KLHL29: variants seen among roughly 807,000 people sequenced by gnomAD.
KLHL29 encodes kelch-like protein 29.
A neutral mutation model predicts 80.4 loss-of-function variants in KLHL29; 21 were observed. The ratio of observed to expected loss-of-function variants is 0.26; its 90% CI spans 0.19 to 0.38. The LOEUF is 0.38. KLHL29 is among the 10% of genes least tolerant of loss of function. KLHL29 has a pLI of 1.00. For missense variants in KLHL29, 867 were observed against 1,223.9 expected (o/e 0.71, Z 4.35); for synonymous variants, 511 against 526.8 (o/e 0.97, Z 0.41).
At chr2:23,703,950 G>C in intron 13 of KLHL29, 87 bp downstream of exon 13, 3 of 1,397,726 alleles carry the variant, frequency 2.1e-6, no homozygotes, top group Non-Finnish European at 2.9e-6. Flanking sequence ...TGCCATCAGT[G>C]ACCATAGCAA....
intron 2 of KLHL29, among the ~76,000 whole-genome samples, chr2:23,551,706 T>G (rs558532427): frequency 6.6e-6 from 1 of 152,378 alleles, no homozygotes; most frequent in African/African-American, 2.4e-5. Context: ...CCAGGCCTGC[T>G]AACTCGCCAG....
chr2:23,590,131 C>T (rs943043182), intron 3 of KLHL29, among the ~76,000 whole-genome samples: 1 of 152,256 alleles, frequency 6.6e-6, no homozygotes, highest in African/African-American at 2.4e-5. Context: ...GGTCACACAG[C>T]ATCTATGGAA....
intron 5 of KLHL29, among the ~76,000 whole-genome samples, chr2:23,666,485 G>A (rs745574946): frequency 1.3e-5 from 2 of 152,186 alleles, no homozygotes; most frequent in African/African-American, 2.4e-5. Flanking sequence ...CGGGGACCAA[G>A]GCCAAAAGCC....
chr2:23,693,505 A>G lies in KLHL29; in HGVS notation c.1519A>G (p.Lys507Glu), dbSNP rs1159991823. ...CGAGACAGTCATCAAGTGGATCAAG[A>G]AGGACCCCGCGACACGCACACAGGT... ...VYETVIKWIKKDPATRTQYAA... is the reference protein window; with the variant it reads ...VYETVIKWIKEDPATRTQYAA... Residue 507 changes from lysine to glutamate, a missense_variant, in exon 8 of 14, where the codon AAG becomes GAG. Lys to Glu is a moderately conservative substitution (Grantham distance 56). Transcript: ENST00000486442. 6.4e-7 allele frequency: 1 copy of G among 1,550,856 alleles called. No individual in the cohort carries two copies. Among genetic ancestry groups the G allele is most frequent in the African/African-American group, 1.4e-5 (1 of 73,008 alleles).
chr2:23,539,330 G>T (rs910425348), intron 2 of KLHL29, among the ~76,000 whole-genome samples: 1 of 151,702 alleles, frequency 6.6e-6, no homozygotes, highest in African/African-American at 2.4e-5. Context: ...ATGTTGAAAG[G>T]AATTGATTTC....
At chr2:23,676,740 A>T (rs1670933144) in intron 5 of KLHL29, among the ~76,000 whole-genome samples, 1 of 152,262 alleles carries the variant, frequency 6.6e-6, no homozygotes. Context: ...GTGAAGGAAC[A>T]GGATGAACTG....
At chr2:23,643,322 C>T (rs887896921) in intron 5 of KLHL29, 30 of 298,152 alleles carry the variant, frequency 1.0e-4, no homozygotes, top group South Asian at 7.4e-4. Context: ...GTCGTGCCAT[C>T]GGATGAGAGC....
At chr2:23,434,651 A>T (rs1383398876) in intron 1 of KLHL29, among the ~76,000 whole-genome samples, 1 of 152,220 alleles carries the variant, frequency 6.6e-6, no homozygotes, top group African/African-American at 2.4e-5. Flanking sequence ...GGTTTTATAT[A>T]CATTTTCTAC....
chr2:23,516,334 C>T (rs1030182633), intron 2 of KLHL29, among the ~76,000 whole-genome samples: 1 of 152,298 alleles, frequency 6.6e-6, no homozygotes, highest in South Asian at 2.1e-4. Context: ...CTGCACTGCT[C>T]AAGGCCAAGG....
chr2:23,568,918 CATCT>C (rs1270499277), intron 3 of KLHL29, among the ~76,000 whole-genome samples: 1 of 152,228 alleles, frequency 6.6e-6, no homozygotes, highest in Non-Finnish European at 1.5e-5. Context: ...GACCCACGTA[CATCT>C]ATCTACTCAG....
intron 2 of KLHL29, among the ~76,000 whole-genome samples, chr2:23,561,596 G>A (rs944959210): frequency 3.3e-5 from 5 of 152,150 alleles, no homozygotes; most frequent in East Asian, 1.9e-4. Context: ...TCTAGTACTC[G>A]AACCTCAAGG....
At chr2:23,428,901 CA>C (rs1200721372) in intron 1 of KLHL29, among the ~76,000 whole-genome samples, 2 of 152,184 alleles carry the variant, frequency 1.3e-5, no homozygotes, top group Non-Finnish European at 2.9e-5. Context: ...CCTTTTCGGA[CA>C]ATATATAGAA....
chr2:23,491,813 C>G (rs891425047), intron 2 of KLHL29, among the ~76,000 whole-genome samples: 2 of 152,150 alleles, frequency 1.3e-5, no homozygotes, highest in Non-Finnish European at 2.9e-5. Context: ...CTCAAGCTAC[C>G]TCCTCCTCCC....
chr2:23,637,305 C>G (rs374275142), intron 3 of KLHL29, among the ~76,000 whole-genome samples: 1 of 152,080 alleles, frequency 6.6e-6, no homozygotes, highest in African/African-American at 2.4e-5. Flanking sequence ...ACAGGGCACT[C>G]GTTAAAAGCT....
At chr2:23,430,632 C>T (rs1314688911) in intron 1 of KLHL29, among the ~76,000 whole-genome samples, 2 of 152,182 alleles carry the variant, frequency 1.3e-5, no homozygotes, top group Non-Finnish European at 2.9e-5. Context: ...CTGACCCATT[C>T]TTCAAGGCAC....
chr2:23,661,110 G>A (rs1253302351), intron 5 of KLHL29, among the ~76,000 whole-genome samples: 2 of 152,204 alleles, frequency 1.3e-5, no homozygotes, highest in African/African-American at 2.4e-5. Flanking sequence ...GGAGGCTGAG[G>A]TGGGAGGATC....
intron 2 of KLHL29, among the ~76,000 whole-genome samples, chr2:23,555,501 T>C (rs1025424800): frequency 6.6e-6 from 1 of 151,972 alleles, no homozygotes; most frequent in African/African-American, 2.4e-5. Flanking sequence ...TGGCACCCCA[T>C]GATGCTGACC....
chr2:23,681,146 C>T lies in KLHL29; in HGVS notation c.941-3253C>T, dbSNP rs1671073808. On this transcript the variant is annotated intron_variant, in intron 5 of 13. Coordinates refer to ENST00000486442, the MANE Select transcript of KLHL29 (RefSeq NM_052920.2). This position sits in a 1 kb window ranked among gnomAD's most constrained non-coding sequence, Gnocchi z 4.2. ...CTGAGAGCCTAAGCTCCTGCTTCGC[C>T]GGCCGGGCAGGCAGTGGGCAGCAGC... Among the ~76,000 whole-genome samples the T allele has an allele frequency of 6.6e-6, 1 of 152,240 alleles. No homozygotes were observed. Among genetic ancestry groups the T allele is most frequent in the Non-Finnish European group, 1.5e-5 (1 of 68,040 alleles).
chr2:23,640,445 A>G (rs1172085839), intron 4 of KLHL29, among the ~76,000 whole-genome samples: 2 of 152,022 alleles, frequency 1.3e-5, no homozygotes, highest in Non-Finnish European at 2.9e-5. Context: ...CCCACCCATT[A>G]CGCTTTGAAG....
Sources: allele counts gnomAD v4.1 joint callset (sites outside exome capture counted in the v4.1 genomes callset), GRCh38; gene constraint gnomAD v4.1.1; non-coding constraint Gnocchi (gnomAD v3.1); transcripts MANE v1.5; gene names NCBI Gene and HGNC (gene_info 2026-07-23, HGNC 2026-07-21).